DPP6: variants seen among roughly 807,000 people sequenced by gnomAD.
DPP6 encodes A-type potassium channel modulatory protein DPP6.
Under a neutral mutation model 122.6 loss-of-function variants are expected in DPP6, and 69 were observed. That is an observed-to-expected ratio of 0.56 (90% CI 0.46 to 0.69). The LOEUF is 0.69. Among genes scored for constraint, DPP6 ranks in the 30% least tolerant of loss-of-function variants. The probability of loss-of-function intolerance (pLI) is 0.00; values close to 1 mark genes in which losing one functional copy is unlikely to be tolerated. For missense variants in DPP6, 928 were observed against 1,116.9 expected (o/e 0.83, Z 2.41); for synonymous variants, 418 against 433.1 (o/e 0.97, Z 0.43).
intron 4 of DPP6, among the ~76,000 whole-genome samples, chr7:154,545,778 A>T (rs1829136251): frequency 6.6e-6 from 1 of 152,202 alleles, no homozygotes; most frequent in Non-Finnish European, 1.5e-5. Flanking sequence ...TTCTAAGAAC[A>T]GTTCTCTGGC....
intron 21 of DPP6, chr7:154,884,292 A>T (rs1584983049): frequency 7.3e-6 from 1 of 137,344 alleles, no homozygotes; most frequent in African/African-American, 3.0e-5. Flanking sequence ...GCTCACAAAC[A>T]TGATTACATA....
chr7:153,833,237 C>T, the DPP6 span, among the ~76,000 whole-genome samples: 1 of 152,236 alleles, frequency 6.6e-6, no homozygotes, highest in Admixed American at 6.5e-5. Context: ...TGCAACTAAT[C>T]TCCTAAATAG....
chr7:154,092,898 T>C (rs1335272880), intron 1 of DPP6: 1 of 152,202 alleles, frequency 6.6e-6, no homozygotes, highest in East Asian at 1.9e-4. Context: ...TTTCTCCGTC[T>C]GCGCCCATCA....
intron 5 of DPP6, chr7:154,588,406 G>A (rs1832609910): frequency 1.0e-5 from 3 of 294,710 alleles, no homozygotes. Context: ...ATATACACTT[G>A]AGGTCTCCAG....
At chr7:154,466,126 G>A (rs1821757989) in intron 2 of DPP6, among the ~76,000 whole-genome samples, 2 of 151,832 alleles carry the variant, frequency 1.3e-5, no homozygotes, top group Non-Finnish European at 2.9e-5. Flanking sequence ...AATACTGCAT[G>A]TTCTCACTCA....
chr7:154,509,089 T>C (rs958724467), intron 3 of DPP6, among the ~76,000 whole-genome samples: 9 of 152,080 alleles, frequency 5.9e-5, no homozygotes, highest in Non-Finnish European at 1.3e-4. Flanking sequence ...TTCTTAGATA[T>C]AGTACAAAAA....
chr7:153,952,846 A>G (rs893818503), intron 1 of DPP6, among the ~76,000 whole-genome samples: 3 of 152,240 alleles, frequency 2.0e-5, no homozygotes, highest in Non-Finnish European at 2.9e-5. Context: ...TATACCCACA[A>G]TCTTTCAAAG....
intron 1 of DPP6, among the ~76,000 whole-genome samples, chr7:154,017,708 T>TAAA (rs945886454): frequency 1.9e-5 from 1 of 52,996 alleles, no homozygotes; most frequent in African/African-American, 7.8e-5. Context: ...CTAAAAAAAA[T>TAAA]AAAAAAAAAA....
intron 1 of DPP6, among the ~76,000 whole-genome samples, chr7:154,160,851 C>T (rs1796944609): frequency 6.6e-6 from 1 of 152,168 alleles, no homozygotes; most frequent in African/African-American, 2.4e-5. Flanking sequence ...CAGAAGAGGA[C>T]TTAATAATCA....
At chr7:153,764,576 A>T in the DPP6 span, among the ~76,000 whole-genome samples, 1 of 152,110 alleles carries the variant, frequency 6.6e-6, no homozygotes, top group African/African-American at 2.4e-5. Flanking sequence ...CAAATACACA[A>T]AGCCGCACTT....
chr7:154,158,147 G>A (rs1172269026), intron 1 of DPP6, among the ~76,000 whole-genome samples: 1 of 149,764 alleles, frequency 6.7e-6, no homozygotes, highest in Non-Finnish European at 1.5e-5. Flanking sequence ...TGAGATGATT[G>A]CATTGTTGCT....
intron 1 of DPP6, among the ~76,000 whole-genome samples, chr7:154,428,260 T>C (rs1230568122): frequency 6.6e-6 from 1 of 152,232 alleles, no homozygotes; most frequent in African/African-American, 2.4e-5. Flanking sequence ...GTTAGAATAA[T>C]TGACTTCTAG....
At chr7:154,542,056 A>C (rs1185034092) in intron 4 of DPP6, among the ~76,000 whole-genome samples, 1 of 152,170 alleles carries the variant, frequency 6.6e-6, no homozygotes, top group Non-Finnish European at 1.5e-5. Context: ...CTTTTGCATA[A>C]AGATACCTTT....
chr7:154,711,248 C>T (rs1841160983), intron 7 of DPP6, among the ~76,000 whole-genome samples: 1 of 152,184 alleles, frequency 6.6e-6, no homozygotes. Flanking sequence ...AATTTCCTTT[C>T]CATGATAAAT....
intron 1 of DPP6, among the ~76,000 whole-genome samples, chr7:154,183,537 A>G (rs1351943005): frequency 6.6e-6 from 1 of 152,166 alleles, no homozygotes. Flanking sequence ...GGTGATTGAC[A>G]TGCAAAATGC....
intron 4 of DPP6, among the ~76,000 whole-genome samples, chr7:154,542,898 C>G (rs1828847830): frequency 6.6e-6 from 1 of 152,200 alleles, no homozygotes; most frequent in Non-Finnish European, 1.5e-5. Context: ...CTCAATTGCT[C>G]TATCTCCAAA....
At chr7:154,250,764 GAA>G in intron 1 of DPP6, among the ~76,000 whole-genome samples, 1 of 152,132 alleles carries the variant, frequency 6.6e-6, no homozygotes, top group East Asian at 1.9e-4. Context: ...AGAGAAGTGA[GAA>G]AAGAGGCTAG....
chr7:154,794,224 G>T, intron 11 of DPP6, 22 bp downstream of exon 11: 1 of 1,588,954 alleles, frequency 6.3e-7, no homozygotes, highest in Non-Finnish European at 8.6e-7. Context: ...TGTGGGGGTG[G>T]AGGGGAGACG....
intron 1 of DPP6, among the ~76,000 whole-genome samples, chr7:153,921,048 A>G (rs543455685): frequency 5.9e-5 from 9 of 152,376 alleles, no homozygotes; most frequent in African/African-American, 2.2e-4. Context: ...TCCTTGCTCT[A>G]TAGCGAGAAG....
Sources: gnomAD v4.1 joint callset for allele counts (sites outside exome capture counted in the v4.1 genomes callset) on GRCh38, gnomAD v4.1.1 for gene constraint, MANE v1.5 for transcripts, NCBI Gene and HGNC (gene_info 2026-07-23, HGNC 2026-07-21) for gene names.